NFATC2: variants seen among roughly 807,000 people sequenced by gnomAD.
NFATC2 encodes nuclear factor of activated T cells 2, also known as nuclear factor of activated T-cells, cytoplasmic 2.
A neutral mutation model predicts 87.3 loss-of-function variants in NFATC2; 22 were observed. The ratio of observed to expected loss-of-function variants is 0.25; its 90% CI spans 0.18 to 0.36. The LOEUF is 0.36. Ranked by LOEUF, NFATC2 falls within the 10% of genes least tolerant of loss-of-function variation. The probability of loss-of-function intolerance (pLI) is 1.00; values close to 1 mark genes in which losing one functional copy is unlikely to be tolerated. For missense variants in NFATC2, 1,149 were observed against 1,259.1 expected, an observed-to-expected ratio of 0.91 and a Z score of 1.32; for synonymous variants, 565 against 542.2, an observed-to-expected ratio of 1.04 and a Z score of -0.58.
intron 6 of NFATC2, among the ~76,000 whole-genome samples, chr20:51,446,260 C>G (rs574806925): frequency 6.6e-6 from 1 of 152,244 alleles, no homozygotes; most frequent in Non-Finnish European, 1.5e-5. Flanking sequence ...ACCAACATGG[C>G]TCTGCCCTCT....
chr20:51,515,236 G>A (rs1261907087), intron 3 of NFATC2, among the ~76,000 whole-genome samples: 2 of 152,204 alleles, frequency 1.3e-5, no homozygotes, highest in Admixed American at 1.3e-4. Context: ...AGGTTTACCA[G>A]AGAGGGGCTG....
intron 6 of NFATC2, among the ~76,000 whole-genome samples, chr20:51,447,567 C>T (rs1422063202): frequency 1.3e-5 from 2 of 152,216 alleles, no homozygotes; most frequent in Non-Finnish European, 1.5e-5. Flanking sequence ...ACCCCTTTCC[C>T]GCTGCCACAT....
At chr20:51,553,150 G>A (rs2076948072) in intron 1 of NFATC2, among the ~76,000 whole-genome samples, 1 of 152,054 alleles carries the variant, frequency 6.6e-6, no homozygotes, top group Non-Finnish European at 1.5e-5. Context: ...GGCTGGAGGT[G>A]AGTAGAGGCT....
At position 51,389,047 on chromosome 20, in the gene NFATC2, T is replaced by C. The variant is rs1986060074; in HGVS notation, c.*2449A>G. 1 of 152,218 alleles carries C rather than the reference T, an allele frequency of 6.6e-6. No individual in the cohort carries two copies. The highest frequency in any genetic ancestry group is 2.4e-5 in the African/African-American group (1 of 41,454). 9.4% of individuals were successfully genotyped at this position (152,218 alleles called of 1,614,324 possible). A position where few individuals can be genotyped will look rare whatever the true frequency, so the allele number is the denominator to read the frequency against. The stretch of plus-strand genomic sequence containing the variant: ...CCTGTTTATGTCTCAAATCTAATGC[T>C]TTTGTTTCTCTTTCCTTTGCGATTT... On this transcript the variant is annotated 3_prime_UTR_variant, in exon 11 of 11. Coordinates refer to ENST00000371564, the MANE Select transcript of NFATC2 (RefSeq NM_012340.5).
chr20:51,481,630 C>T (rs1219943049), intron 3 of NFATC2, among the ~76,000 whole-genome samples: 1 of 152,064 alleles, frequency 6.6e-6, no homozygotes, highest in Non-Finnish European at 1.5e-5. Context: ...GGGGTGGGGG[C>T]CCAGGCTGCA....
chr20:51,396,756 C>T (rs553262069), intron 10 of NFATC2, among the ~76,000 whole-genome samples: 8 of 152,184 alleles, frequency 5.3e-5, no homozygotes, highest in Admixed American at 5.2e-4. Context: ...GAATTCACTC[C>T]CACGACCCCT....
At chr20:51,431,781 C>A (rs1204873078) in intron 9 of NFATC2, among the ~76,000 whole-genome samples, 1 of 151,346 alleles carries the variant, frequency 6.6e-6, no homozygotes, top group Admixed American at 6.6e-5. Context: ...AGTTCATGAC[C>A]CAGGGGATGC....
intron 3 of NFATC2, among the ~76,000 whole-genome samples, chr20:51,491,242 T>C (rs1313718358): frequency 1.3e-5 from 2 of 151,864 alleles, no homozygotes; most frequent in Non-Finnish European, 2.9e-5. Context: ...GCCATGGCCC[T>C]ATCTCTGAGT....
chr20:51,523,670 C>G lies in NFATC2; in HGVS notation c.571G>C (p.Val191Leu), dbSNP rs1272354225. ...TCGGGCCCGCCGTTATTGGGCGAGA[C>G]GCAGGGCGAGGTGTAGGGGGAGAAG... ...DTFSPYTSPCVSPNNGGPDDL... is the reference protein window; with the variant it reads ...DTFSPYTSPCLSPNNGGPDDL... The change falls in exon 2 of 11, where the codon GTC becomes CTC. Residue 191 changes from valine to leucine, a missense_variant. By Grantham distance (32) the Val-to-Leu change is conservative. Around this residue, in one of 3 missense-constraint regions of NFATC2, gnomAD observed 563 missense variants for 585.2 expected, o/e 0.96. Coordinates refer to ENST00000371564, the MANE Select transcript of NFATC2 (RefSeq NM_012340.5). The surrounding 1 kb of genome is among the most constrained non-coding windows in gnomAD (Gnocchi z 6.9). 3.1e-6 allele frequency: 5 copies of G among 1,613,854 alleles called. No individual in the cohort carries two copies. The highest frequency in any genetic ancestry group is 1.7e-5 in the Admixed American group (1 of 59,974).
At chr20:51,509,743 C>A (rs932641246) in intron 3 of NFATC2, among the ~76,000 whole-genome samples, 2 of 152,254 alleles carry the variant, frequency 1.3e-5, no homozygotes, top group Non-Finnish European at 2.9e-5. Flanking sequence ...CTTGCTTCTT[C>A]CCTTCCTTAG....
intron 3 of NFATC2, among the ~76,000 whole-genome samples, chr20:51,487,231 G>A (rs1003972934): frequency 2.0e-5 from 3 of 152,242 alleles, no homozygotes; most frequent in African/African-American, 4.8e-5. Context: ...CAGAAACTCC[G>A]TGCAAGCATC....
chr20:51,441,057 T>C (rs1201224089), intron 6 of NFATC2, among the ~76,000 whole-genome samples: 1 of 151,820 alleles, frequency 6.6e-6, no homozygotes, highest in Non-Finnish European at 1.5e-5. Context: ...CCGAGGCGAG[T>C]GGATCACTTG....
At chr20:51,473,763 C>T (rs1988452324) in intron 5 of NFATC2, among the ~76,000 whole-genome samples, 1 of 152,304 alleles carries the variant, frequency 6.6e-6, no homozygotes, top group Non-Finnish European at 1.5e-5. Flanking sequence ...TCCTGTGAGG[C>T]CACAAAACCT....
intron 3 of NFATC2, among the ~76,000 whole-genome samples, chr20:51,515,699 A>AG: frequency 6.6e-6 from 1 of 151,308 alleles, no homozygotes; most frequent in Middle Eastern, 3.4e-3. Context: ...AAAAAAAAAA[A>AG]GCAATTGTCA....
At chr20:51,494,025 T>C (rs73913452) in intron 3 of NFATC2, among the ~76,000 whole-genome samples, 2,233 of 152,238 alleles carry the variant, frequency 0.015, 59 homozygotes, top group African/African-American at 0.051. Context: ...ATGGGTACAG[T>C]GCCTGGCAAA....
intron 1 of NFATC2, among the ~76,000 whole-genome samples, chr20:51,549,257 G>T (rs573837796): frequency 7.9e-6 from 1 of 125,902 alleles, no homozygotes; most frequent in South Asian, 2.3e-4. Flanking sequence ...GAGGTTTTTT[G>T]GTTTTTTTGT....
In NFATC2 at chr20:51,523,830, C is replaced by T; in HGVS notation, c.411G>A (p.Val137=). The T allele has an allele frequency of 6.2e-7, 1 of 1,610,426 alleles. No homozygotes were observed. Among genetic ancestry groups the T allele is most frequent in the Non-Finnish European group, 8.5e-7 (1 of 1,178,428 alleles). Residue 137 remains valine (V), a synonymous_variant, in exon 2 of 11, where the codon GTG becomes GTA. Transcript: ENST00000371564. The surrounding 1 kb of genome is among the most constrained non-coding windows in gnomAD (Gnocchi z 6.9). ...PLRMRDAGLL[V]EQPPLAGVAA... ...CCACCCCGGCCAGGGGCGGCTGCTCCACCAGGAGGCCCGCGTCTCTCATGC... is the reference window on the plus strand; with the variant it reads ...CCACCCCGGCCAGGGGCGGCTGCTCTACCAGGAGGCCCGCGTCTCTCATGC...
intron 3 of NFATC2, among the ~76,000 whole-genome samples, chr20:51,515,598 GCAACA>G (rs2076338955): frequency 6.6e-6 from 1 of 151,606 alleles, no homozygotes; most frequent in Non-Finnish European, 1.5e-5. Flanking sequence ...TACTAGACAG[GCAACA>G]CAACAGGAAA....
chr20:51,497,656 C>G (rs908239259), intron 3 of NFATC2, among the ~76,000 whole-genome samples: 4 of 152,138 alleles, frequency 2.6e-5, no homozygotes, highest in African/African-American at 7.2e-5. Context: ...GATCCTTCCC[C>G]CTCCTTTGCT....
Sources: allele counts gnomAD v4.1 joint callset (sites outside exome capture counted in the v4.1 genomes callset), GRCh38; gene constraint gnomAD v4.1.1; regional missense constraint gnomAD v4.1.1; non-coding constraint Gnocchi (gnomAD v3.1); transcripts MANE v1.5; gene names NCBI Gene and HGNC (gene_info 2026-07-23, HGNC 2026-07-21).